Variants in CDH12 observed in about 807,000 individuals in gnomAD.
CDH12 encodes cadherin 12.
Under a neutral mutation model 74.1 loss-of-function variants are expected in CDH12, and 41 were observed. The ratio of observed to expected loss-of-function variants is 0.55; its 90% CI spans 0.43 to 0.72. CDH12 has a LOEUF of 0.72. Among genes scored for constraint, CDH12 ranks in the 30% least tolerant of loss-of-function variants. The pLI, the probability that CDH12 is intolerant of heterozygous loss-of-function variation, is 0.00. For synonymous variants in CDH12, 399 were observed against 355.0 expected (o/e 1.12, Z -1.39); for missense variants, 945 against 977.2 (o/e 0.97, Z 0.44).
intron 2 of CDH12, among the ~76,000 whole-genome samples, chr5:22,491,905 T>C (rs1350856344): frequency 6.6e-6 from 1 of 152,202 alleles, no homozygotes; most frequent in Non-Finnish European, 1.5e-5. Context: ...CTTCACGATG[T>C]CTTCTCTCTG....
intron 8 of CDH12, among the ~76,000 whole-genome samples, chr5:21,840,982 G>T (rs1248873862): frequency 1.3e-5 from 2 of 151,722 alleles, no homozygotes; most frequent in Non-Finnish European, 1.5e-5. Context: ...AAAAGCAATG[G>T]CAACAAAAGC....
intron 1 of CDH12, among the ~76,000 whole-genome samples, chr5:22,695,737 G>T (rs1742325715): frequency 6.6e-6 from 1 of 151,784 alleles, no homozygotes; most frequent in South Asian, 2.1e-4. Flanking sequence ...TTAAATCTTG[G>T]CATTTGCATA....
intron 4 of CDH12, among the ~76,000 whole-genome samples, chr5:22,153,053 C>T (rs369565107): frequency 8.5e-5 from 13 of 152,158 alleles, no homozygotes; most frequent in East Asian, 3.9e-4. Flanking sequence ...CTATTGAGGA[C>T]GATGCTCCAG....
At chr5:22,305,875 T>C (rs1041393901) in intron 3 of CDH12, among the ~76,000 whole-genome samples, 7 of 152,200 alleles carry the variant, frequency 4.6e-5, no homozygotes, top group African/African-American at 1.7e-4. Flanking sequence ...TCTTCTTTCT[T>C]AGTATTTCTG....
At chr5:22,227,817 C>T (rs1468999756) in intron 3 of CDH12, among the ~76,000 whole-genome samples, 3 of 152,138 alleles carry the variant, frequency 2.0e-5, no homozygotes, top group African/African-American at 4.8e-5. Flanking sequence ...ACAAGAATCC[C>T]TTCCTCATTT....
At chr5:22,659,588 G>A (rs1740239092) in intron 1 of CDH12, among the ~76,000 whole-genome samples, 1 of 151,982 alleles carries the variant, frequency 6.6e-6, no homozygotes, top group African/African-American at 2.4e-5. Flanking sequence ...CTTGAATGGA[G>A]AAAAACACTT....
chr5:22,141,950 A>G (rs769455469), intron 4 of CDH12, among the ~76,000 whole-genome samples: 1 of 152,154 alleles, frequency 6.6e-6, no homozygotes, highest in East Asian at 1.9e-4. Context: ...AGGGTTAATA[A>G]ATAACTTGCC....
At chr5:21,891,560 T>TACACACACAC (rs1305461373) in intron 6 of CDH12, among the ~76,000 whole-genome samples, 11 of 68,886 alleles carry the variant, frequency 1.6e-4, no homozygotes, top group Non-Finnish European at 1.5e-4. Flanking sequence ...TTCCTGTGAA[T>TACACACACAC]ACACACACAC....
At chr5:22,369,626 T>A (rs1265203378) in intron 3 of CDH12, among the ~76,000 whole-genome samples, 1 of 152,182 alleles carries the variant, frequency 6.6e-6, no homozygotes, top group Non-Finnish European at 1.5e-5. Context: ...AGAGCATCAA[T>A]ACCTTTGAAG....
intron 1 of CDH12, among the ~76,000 whole-genome samples, chr5:22,664,646 A>G (rs528371957): frequency 6.6e-6 from 1 of 152,312 alleles, no homozygotes; most frequent in South Asian, 2.1e-4. Flanking sequence ...TAGTAGTAAT[A>G]GTAATTAGGT....
chr5:22,030,620 A>C (rs1333263743), intron 5 of CDH12, among the ~76,000 whole-genome samples: 1 of 152,164 alleles, frequency 6.6e-6, no homozygotes, highest in Non-Finnish European at 1.5e-5. Context: ...GATTTTCAGA[A>C]AGGAAAATGT....
intron 1 of CDH12, among the ~76,000 whole-genome samples, chr5:22,584,352 G>T (rs538768160): frequency 6.6e-5 from 10 of 152,122 alleles, no homozygotes; most frequent in Non-Finnish European, 1.5e-4. Context: ...CATCTGCCTC[G>T]GCTTCCCGAA....
intron 9 of CDH12, among the ~76,000 whole-genome samples, chr5:21,809,588 T>A (rs543449338): frequency 6.6e-6 from 1 of 152,282 alleles, no homozygotes; most frequent in African/African-American, 2.4e-5. Flanking sequence ...ATTTGTAGAA[T>A]CAGTAAAACA....
At chr5:22,677,654 G>A (rs900945357) in intron 1 of CDH12, among the ~76,000 whole-genome samples, 2 of 152,084 alleles carry the variant, frequency 1.3e-5, no homozygotes, top group Non-Finnish European at 2.9e-5. Flanking sequence ...TTTAATGGAG[G>A]CACACAGATA....
At chr5:22,590,417 A>C (rs1312502593) in intron 1 of CDH12, among the ~76,000 whole-genome samples, 1 of 152,164 alleles carries the variant, frequency 6.6e-6, no homozygotes, top group Non-Finnish European at 1.5e-5. Flanking sequence ...AAAACATGTA[A>C]AGTCTGGATC....
At chr5:22,328,100 A>G (rs1385138823) in intron 3 of CDH12, among the ~76,000 whole-genome samples, 3 of 152,190 alleles carry the variant, frequency 2.0e-5, no homozygotes, top group African/African-American at 7.2e-5. Flanking sequence ...AAACTTCACT[A>G]GAGCTTCTAT....
At chr5:21,788,521 A>G (rs186713324) in intron 10 of CDH12, among the ~76,000 whole-genome samples, 1 of 152,282 alleles carries the variant, frequency 6.6e-6, no homozygotes, top group East Asian at 1.9e-4. Context: ...TTTCTCTATA[A>G]GTAGTCCCTG....
intron 4 of CDH12, among the ~76,000 whole-genome samples, chr5:22,154,230 T>A (rs1747845205): frequency 6.6e-6 from 1 of 151,346 alleles, no homozygotes; most frequent in Admixed American, 6.6e-5. Flanking sequence ...TAATTATCTT[T>A]TTGTGTAGTG....
chr5:22,283,120 A>AAT (rs749886541), intron 3 of CDH12, among the ~76,000 whole-genome samples: 8 of 150,812 alleles, frequency 5.3e-5, no homozygotes, highest in Non-Finnish European at 1.2e-4. Flanking sequence ...TGTCACACAG[A>AAT]ATATTTGTCC....
Sources: gnomAD v4.1 joint callset for allele counts (sites outside exome capture counted in the v4.1 genomes callset) on GRCh38, gnomAD v4.1.1 for gene constraint, MANE v1.5 for transcripts, NCBI Gene and HGNC (gene_info 2026-07-23, HGNC 2026-07-21) for gene names.